The following PARP16 variants were observed in gnomAD, a reference collection of about 807,000 sequenced individuals.
The protein encoded by PARP16 is poly(ADP-ribose) polymerase family member 16.
A neutral mutation model predicts 35.0 loss-of-function variants in PARP16; 31 were observed. The ratio of observed to expected loss-of-function variants is 0.88; its 90% CI spans 0.66 to 1.19. The LOEUF (loss-of-function observed/expected upper bound fraction) is 1.19, where lower values mean the gene tolerates loss of function less well. Among genes scored for constraint, PARP16 ranks in the 50% most tolerant of loss-of-function variants. The pLI, the probability that PARP16 is intolerant of heterozygous loss-of-function variation, is 0.00. For synonymous variants in PARP16, 162 were observed against 169.5 expected, an observed-to-expected ratio of 0.96 and a Z score of 0.34; for missense variants, 424 against 411.2, an observed-to-expected ratio of 1.03 and a Z score of -0.27.
intron 3 of PARP16, among the ~76,000 whole-genome samples, chr15:65,240,747 G>A (rs371484605): frequency 8.5e-5 from 13 of 152,104 alleles, no homozygotes; most frequent in East Asian, 3.8e-4. Flanking sequence ...TTCTGCTGTC[G>A]TTTTTCTTGG....
intron 1 of PARP16, among the ~76,000 whole-genome samples, chr15:65,271,654 C>T (rs1351702436): frequency 6.6e-6 from 1 of 152,120 alleles, no homozygotes; most frequent in African/African-American, 2.4e-5. Flanking sequence ...TTACCTATCC[C>T]CTTCCTGTTA....
At chr15:65,262,524 A>G (rs954947519) in intron 4 of PARP16, among the ~76,000 whole-genome samples, 2 of 152,186 alleles carry the variant, frequency 1.3e-5, no homozygotes, top group African/African-American at 4.8e-5. Context: ...AGACAAGGCA[A>G]ATAGTCTCAG....
intron 1 of PARP16, among the ~76,000 whole-genome samples, chr15:65,281,165 CTG>C (rs1030654290): frequency 6.6e-6 from 1 of 152,188 alleles, no homozygotes. Context: ...GAACAAAAAA[CTG>C]TACAGCTGCG....
chr15:65,256,908 T>A (rs2089530060), downstream of PARP16, among the ~76,000 whole-genome samples: 2 of 152,152 alleles, frequency 1.3e-5, no homozygotes, highest in Non-Finnish European at 2.9e-5. Flanking sequence ...GGAAGGAGAT[T>A]GGTTATGTGA....
At chr15:65,271,955 T>C (rs2090109178) in intron 1 of PARP16, among the ~76,000 whole-genome samples, 3 of 152,224 alleles carry the variant, frequency 2.0e-5, no homozygotes, top group African/African-American at 4.8e-5. Flanking sequence ...GGGGAATGCA[T>C]AACTTTGGGT....
downstream of PARP16, among the ~76,000 whole-genome samples, chr15:65,253,894 T>A (rs2089429652): frequency 6.6e-6 from 1 of 152,136 alleles, no homozygotes; most frequent in Non-Finnish European, 1.5e-5. Context: ...CTCAGCTTAC[T>A]GCAACCTCTG....
At chr15:65,249,794 T>C (rs913933091) in intron 2 of PARP16, among the ~76,000 whole-genome samples, 6 of 152,230 alleles carry the variant, frequency 3.9e-5, no homozygotes, top group African/African-American at 1.2e-4. Flanking sequence ...ATCCCCTTCC[T>C]GCCCCACATT....
intron 4 of PARP16, among the ~76,000 whole-genome samples, chr15:65,261,322 C>T (rs942347205): frequency 6.6e-6 from 1 of 151,178 alleles, no homozygotes; most frequent in African/African-American, 2.4e-5. Flanking sequence ...CAAAGAAATA[C>T]GCTGGGACTG....
Position 65,259,241 on chromosome 15 carries a change from G to GAACATCATCAAAGGC in PARP16, c.*151_*165dup, listed in dbSNP as rs1448948450. On this transcript the variant is annotated 3_prime_UTR_variant, in exon 6 of 6. Transcript: ENST00000649807. ...TCCCCGTTGACTGGAGTATGGCTGG[G>GAACATCATCAAAGGC]AACATCATCAAAGGCAATGGATACA... 5 of 684,640 alleles carry GAACATCATCAAAGGC rather than the reference G, an allele frequency of 7.3e-6. No homozygotes were observed. Among genetic ancestry groups the GAACATCATCAAAGGC allele is most frequent in the Admixed American group, 6.8e-5 (3 of 43,958 alleles). 42.4% of individuals were successfully genotyped at this position (684,640 alleles called of 1,614,324 possible). A position where few individuals can be genotyped will look rare whatever the true frequency, so the allele number is the denominator to read the frequency against.
At position 65,286,244 on chromosome 15, in the gene PARP16, C is replaced by T. The variant is rs1454568124; in HGVS notation, c.174+9G>A. ...CGCAGTGGGCAGCGCCAGGACAAAG[C>T]ACACTCACCAGGGCTTCAAAGTCCT... On this transcript the variant is annotated intron_variant, in intron 1 of 5. Coordinates refer to ENST00000649807, the MANE Select transcript of PARP16 (RefSeq NM_001316943.2). The T allele has an allele frequency of 4.6e-5, 72 of 1,557,704 alleles. No individual in the cohort carries two copies. The highest frequency in any genetic ancestry group is 6.2e-5 in the Non-Finnish European group (72 of 1,154,862).
downstream of PARP16, among the ~76,000 whole-genome samples, chr15:65,253,284 C>G (rs1184486255): frequency 3.9e-5 from 6 of 152,202 alleles, no homozygotes; most frequent in Admixed American, 3.9e-4. Flanking sequence ...GAAACCCCCA[C>G]TCATCCACAA....
Position 65,271,002 on chromosome 15 carries a change from G to GC in PARP16, c.244dup (p.Ala82GlyfsTer25), listed in dbSNP as rs1275532937. The GC allele has an allele frequency of 9.9e-6, 16 of 1,613,842 alleles. No individual in the cohort carries two copies. Among genetic ancestry groups the GC allele is most frequent in the Non-Finnish European group, 3.4e-6 (4 of 1,179,860 alleles). On this transcript the variant is annotated frameshift_variant, in exon 2 of 6. Transcript: ENST00000649807. LOFTEE classifies it high-confidence loss of function. ...TAAAATCCAGCTCACCAGGTCCCAG[G>GC]CCCGTTTGTGGTTGTCTCCGGAGGA...
rs868702855 is a variant in PARP16, at chr15:65,267,070, C to T, written c.313-302G>A. Among the ~76,000 whole-genome samples, 18 of 151,286 alleles carry T rather than the reference C, an allele frequency of 1.2e-4. No individual in the cohort carries two copies. The Middle Eastern group carries it at 0.01, about 88-fold the overall frequency. On this transcript the variant is annotated intron_variant, in intron 2 of 5. Transcript: ENST00000649807. ...CAGCCTGACCAACATGGTGAAACCC[C>T]ATCTCTACTAAAAATACAAAATTAG...
At chr15:65,269,596 T>C (rs2090029663) in intron 2 of PARP16, among the ~76,000 whole-genome samples, 1 of 152,210 alleles carries the variant, frequency 6.6e-6, no homozygotes, top group African/African-American at 2.4e-5. Flanking sequence ...ATAACAGATA[T>C]ATTGATGTAA....
chr15:65,271,957 A>C (rs2090109259), intron 1 of PARP16, among the ~76,000 whole-genome samples: 1 of 152,198 alleles, frequency 6.6e-6, no homozygotes, highest in Non-Finnish European at 1.5e-5. Context: ...GGAATGCATA[A>C]CTTTGGGTTT....
At chr15:65,250,139 A>C (rs2089321117) in intron 2 of PARP16, among the ~76,000 whole-genome samples, 2 of 107,986 alleles carry the variant, frequency 1.9e-5, no homozygotes, top group Non-Finnish European at 3.4e-5. Flanking sequence ...TTTTTTTGAG[A>C]CAGAGTCTCT....
At chr15:65,241,037 T>C (rs1328414008) in intron 3 of PARP16, among the ~76,000 whole-genome samples, 1 of 152,018 alleles carries the variant, frequency 6.6e-6, no homozygotes, top group East Asian at 1.9e-4. Context: ...GGTTTTGCCA[T>C]GTTGGCCAGG....
intron 2 of PARP16, among the ~76,000 whole-genome samples, chr15:65,251,713 G>A (rs1005078130): frequency 2.6e-5 from 4 of 150,950 alleles, no homozygotes; most frequent in Non-Finnish European, 4.4e-5. Context: ...AAAACTCGTG[G>A]CTCATTTTGA....
At chr15:65,239,058 G>A (rs2088965121) in intron 3 of PARP16, among the ~76,000 whole-genome samples, 1 of 152,106 alleles carries the variant, frequency 6.6e-6, no homozygotes, top group Admixed American at 6.6e-5. Flanking sequence ...CTGAGCCTGG[G>A]AGTTTGAGGC....
Sources: allele counts gnomAD v4.1 joint callset (sites outside exome capture counted in the v4.1 genomes callset), GRCh38; gene constraint gnomAD v4.1.1; transcripts MANE v1.5; gene names NCBI Gene and HGNC (gene_info 2026-07-23, HGNC 2026-07-21).